The following E2F3 variants were observed in gnomAD, a reference collection of about 807,000 sequenced individuals.
The protein encoded by E2F3 is E2F transcription factor 3.
A neutral mutation model predicts 44.4 loss-of-function variants in E2F3; 11 were observed. That is an observed-to-expected ratio of 0.25 (90% CI 0.16 to 0.41). The LOEUF (loss-of-function observed/expected upper bound fraction) is 0.41, where lower values mean the gene tolerates loss of function less well. Among genes scored for constraint, E2F3 ranks in the 10% least tolerant of loss-of-function variants. The probability of loss-of-function intolerance (pLI) is 1.00; values close to 1 mark genes in which losing one functional copy is unlikely to be tolerated. For synonymous variants in E2F3, 249 were observed against 253.0 expected, an observed-to-expected ratio of 0.98 and a Z score of 0.15; for missense variants, 487 against 583.6, an observed-to-expected ratio of 0.83 and a Z score of 1.70.
chr6:20,408,093 A>G (rs1759549379), intron 1 of E2F3, among the ~76,000 whole-genome samples: 1 of 152,228 alleles, frequency 6.6e-6, no homozygotes, highest in Non-Finnish European at 1.5e-5. Context: ...CAGAGACTGT[A>G]TTCACGATTG....
chr6:20,483,999 C>T (rs1233734110), intron 4 of E2F3, among the ~76,000 whole-genome samples: 3 of 152,152 alleles, frequency 2.0e-5, no homozygotes, highest in African/African-American at 7.2e-5. Context: ...GGAAGAGAGG[C>T]GTAGTGATTT....
At chr6:20,433,962 A>ATCTTC (rs1760492279) in intron 1 of E2F3, among the ~76,000 whole-genome samples, 1 of 152,194 alleles carries the variant, frequency 6.6e-6, no homozygotes, top group South Asian at 2.1e-4. Flanking sequence ...TTCCCTGTGA[A>ATCTTC]TCTTCTCCAC....
chr6:20,426,605 T>C (rs1200911715), intron 1 of E2F3, among the ~76,000 whole-genome samples: 1 of 152,252 alleles, frequency 6.6e-6, no homozygotes, highest in Non-Finnish European at 1.5e-5. Context: ...CCTAGTGTCA[T>C]TGTGGGATCG....
At chr6:20,472,073 C>CACT (rs1336723643) in intron 1 of E2F3, among the ~76,000 whole-genome samples, 1 of 150,612 alleles carries the variant, frequency 6.6e-6, no homozygotes, top group African/African-American at 2.5e-5. Context: ...CACACACTCA[C>CACT]ATCTATCCCT....
intron 1 of E2F3, among the ~76,000 whole-genome samples, chr6:20,451,085 G>A (rs1761115720): frequency 1.3e-5 from 2 of 152,068 alleles, no homozygotes; most frequent in African/African-American, 4.8e-5. Flanking sequence ...TGTTCTTTTT[G>A]CTTAGGATTG....
At chr6:20,474,666 C>T (rs78125863) in intron 1 of E2F3, among the ~76,000 whole-genome samples, 4,071 of 152,272 alleles carry the variant, frequency 0.027, 112 homozygotes, top group African/African-American at 0.063. Context: ...AGAGCTCACC[C>T]GCACTATTTA....
At chr6:20,421,904 TA>T (rs2127590116) in intron 1 of E2F3, 1 of 152,348 alleles carries the variant, frequency 6.6e-6, no homozygotes, top group East Asian at 1.9e-4. Flanking sequence ...GCATAGTTCT[TA>T]AGGGCCCTAG....
chr6:20,470,754 C>G (rs1009556054), intron 1 of E2F3, among the ~76,000 whole-genome samples: 1 of 152,200 alleles, frequency 6.6e-6, no homozygotes, highest in African/African-American at 2.4e-5. Context: ...TGTTAACATA[C>G]AGCAGGCCAT....
chr6:20,483,072 C>A, intron 4 of E2F3, 152 bp downstream of exon 4: 1 of 1,146,020 alleles, frequency 8.7e-7, no homozygotes, highest in Non-Finnish European at 1.2e-6. Flanking sequence ...TGTGTGTGCA[C>A]GTGTGTGTGT....
chr6:20,474,040 A>T (rs760450251), intron 1 of E2F3, among the ~76,000 whole-genome samples: 1 of 152,162 alleles, frequency 6.6e-6, no homozygotes, highest in African/African-American at 2.4e-5. Flanking sequence ...AATATCAGGC[A>T]GGCAGACTAT....
chr6:20,429,353 G>A (rs1390109656), intron 1 of E2F3, among the ~76,000 whole-genome samples: 2 of 152,122 alleles, frequency 1.3e-5, no homozygotes, highest in African/African-American at 4.8e-5. Flanking sequence ...CAATTCATAA[G>A]TTTTAAATTG....
chr6:20,436,100 C>A lies in E2F3; in HGVS notation c.393+33475C>A, dbSNP rs564401828. Among the ~76,000 whole-genome samples, 6 of 151,978 alleles carry A rather than the reference C, an allele frequency of 3.9e-5. No individual in the cohort carries two copies. The South Asian group carries it at 1.2e-3, about 32-fold the overall frequency. On this transcript the variant is annotated intron_variant, in intron 1 of 6. Coordinates refer to ENST00000346618, the MANE Select transcript of E2F3 (RefSeq NM_001949.5). ...GATTCAAGCAATTCTTCTGCCTCAG[C>A]CTCCCGAGTAGCTGGAATTACAGGC...
At chr6:20,470,698 C>T (rs1043246246) in intron 1 of E2F3, among the ~76,000 whole-genome samples, 2 of 152,162 alleles carry the variant, frequency 1.3e-5, no homozygotes, top group Admixed American at 6.5e-5. Context: ...CTTTCCTGAT[C>T]TCCTATTAAC....
At chr6:20,488,083 G>C in intron 5 of E2F3, 30 bp from the exon 6 acceptor site, 1 of 1,608,906 alleles carries the variant, frequency 6.2e-7, no homozygotes, top group Non-Finnish European at 8.5e-7. Flanking sequence ...AAGAACTTCT[G>C]ATTCGAACTT....
intron 1 of E2F3, among the ~76,000 whole-genome samples, chr6:20,441,410 A>G (rs1041328520): frequency 1.7e-4 from 26 of 152,190 alleles, no homozygotes; most frequent in African/African-American, 5.3e-4. Context: ...TCATTCATCA[A>G]TGGACATTTG....
chr6:20,459,547 A>T (rs1013757716), intron 1 of E2F3, among the ~76,000 whole-genome samples: 1 of 152,104 alleles, frequency 6.6e-6, no homozygotes, highest in Non-Finnish European at 1.5e-5. Context: ...TACATAGAAA[A>T]TTTTTTTATC....
At chr6:20,423,509 C>T (rs143558089) in intron 1 of E2F3, among the ~76,000 whole-genome samples, 9 of 152,258 alleles carry the variant, frequency 5.9e-5, no homozygotes, top group Non-Finnish European at 1.0e-4. Context: ...TTGCTCTTGT[C>T]GCCCAGGTTG....
intron 1 of E2F3, 146 bp from the exon 2 acceptor site, chr6:20,479,700 G>C: frequency 1.5e-6 from 1 of 645,474 alleles, no homozygotes; most frequent in Non-Finnish European, 2.7e-6. Flanking sequence ...CTGGCTCTAG[G>C]GAATGACAAG....
intron 1 of E2F3, among the ~76,000 whole-genome samples, chr6:20,467,035 T>A (rs1032099598): frequency 7.9e-5 from 12 of 152,180 alleles, no homozygotes; most frequent in African/African-American, 2.9e-4. Flanking sequence ...TCCACCTTCC[T>A]GTGAGGAGTC....
Sources: allele counts gnomAD v4.1 joint callset (sites outside exome capture counted in the v4.1 genomes callset), GRCh38; gene constraint gnomAD v4.1.1; transcripts MANE v1.5; gene names NCBI Gene and HGNC (gene_info 2026-07-23, HGNC 2026-07-21).